SEC14L5: variants seen among roughly 807,000 people sequenced by gnomAD.
SEC14L5 encodes SEC14 like lipid binding 5.
SEC14L5 carries 96 observed loss-of-function variants against 84.6 expected under a neutral mutation model. That is an observed-to-expected ratio of 1.13 (90% CI 0.96 to 1.34). The LOEUF (loss-of-function observed/expected upper bound fraction) is 1.34. SEC14L5 is among the 40% of genes most tolerant of loss of function. SEC14L5 has a pLI of 0.00. For missense variants in SEC14L5, 1,224 were observed against 942.5 expected (o/e 1.30, Z -3.91); for synonymous variants, 546 against 383.4 (o/e 1.42, Z -4.95).
At position 4,965,605 on chromosome 16, in the gene SEC14L5, G is replaced by A. The variant is rs528414746; in HGVS notation, c.63+6219G>A. Among the ~76,000 whole-genome samples the A allele has an allele frequency of 2.9e-4, 36 of 122,316 alleles. No homozygotes were observed. The South Asian group carries it at 9.8e-3, about 33-fold the overall frequency. 80.2% of individuals were successfully genotyped at this position (122,316 alleles called of 152,430 possible). A position where few individuals can be genotyped will look rare whatever the true frequency, so the allele number is the denominator to read the frequency against. ...GAAACCGGGAGGCGGAGCTTGCACT[G>A]AGCCGAGATAGCACCACTGCACTCC... On this transcript the variant is annotated intron_variant, in intron 2 of 15. Transcript: ENST00000251170.
chr16:5,003,597 G>A, intron 11 of SEC14L5, 24 bp downstream of exon 11: 2 of 542,672 alleles, frequency 3.7e-6, no homozygotes, highest in African/African-American at 2.5e-5. Flanking sequence ...CCTGGGCCAG[G>A]ACTCTCCCTG....
At chr16:4,996,538 G>C (rs1364463933) in intron 7 of SEC14L5, 78 bp downstream of exon 7, 3 of 733,644 alleles carry the variant, frequency 4.1e-6, no homozygotes, top group African/African-American at 3.5e-5. Context: ...GGGAAGGAAA[G>C]GCGAGATGAT....
At chr16:5,005,343 G>T (rs1955718549) in intron 11 of SEC14L5, among the ~76,000 whole-genome samples, 1 of 151,498 alleles carries the variant, frequency 6.6e-6, no homozygotes, top group East Asian at 1.9e-4. Context: ...GAAACGCCCA[G>T]AATAGGCAAA....
At chr16:4,964,404 T>G (rs8052424) in intron 2 of SEC14L5, among the ~76,000 whole-genome samples, 88,684 of 151,758 alleles carry the variant, frequency 0.58, 27,060 homozygotes, top group East Asian at 0.79. Context: ...CTGACCAACA[T>G]GGAGAAACCC....
intron 2 of SEC14L5, among the ~76,000 whole-genome samples, chr16:4,973,585 C>T (rs1456779728): frequency 6.6e-6 from 1 of 152,052 alleles, no homozygotes; most frequent in Non-Finnish European, 1.5e-5. Context: ...AGCACTGATG[C>T]ACGATGCAAC....
chr16:5,013,550 CTTTTTTTTT>C (rs869041446), intron 15 of SEC14L5, among the ~76,000 whole-genome samples: 2 of 44,934 alleles, frequency 4.5e-5, no homozygotes, highest in Non-Finnish European at 7.5e-5. Context: ...GCTTGCCTGG[CTTTTTTTTT>C]TTTTTTTTTT....
intron 8 of SEC14L5, among the ~76,000 whole-genome samples, chr16:5,000,286 G>A (rs573294966): frequency 5.3e-4 from 80 of 152,200 alleles, no homozygotes; most frequent in Admixed American, 9.8e-4. Flanking sequence ...GCAAGACTCT[G>A]TCTCAAATAA....
At position 4,990,808 on chromosome 16, in the gene SEC14L5, T is replaced by A; in HGVS notation, c.387T>A (p.Ser129=). ...AAGACTGGACTTGCTTCGAGCAGTC[T>A]GCCTCACTGGACATTCGGTCTTTCT... ...ENEDWTCFEQ[S]ASLDIRSFFG... is the part of the protein sequence containing the mutation. Residue 129 remains serine (S), a synonymous_variant, in exon 5 of 16, where the codon TCT becomes TCA. Transcript: ENST00000251170. The A allele has an allele frequency of 1.2e-6, 2 of 1,612,294 alleles. No homozygotes were observed. Among genetic ancestry groups the A allele is most frequent in the Non-Finnish European group, 1.7e-6 (2 of 1,179,058 alleles).
At chr16:4,981,491 G>A (rs1175728815) in intron 2 of SEC14L5, among the ~76,000 whole-genome samples, 2 of 152,062 alleles carry the variant, frequency 1.3e-5, no homozygotes, top group Non-Finnish European at 2.9e-5. Flanking sequence ...GCAGTAGAAG[G>A]AAGGGGAGAA....
intron 3 of SEC14L5, 87 bp downstream of exon 3, chr16:4,987,793 G>T: frequency 9.4e-7 from 1 of 1,063,630 alleles, no homozygotes; most frequent in Non-Finnish European, 1.3e-6. Context: ...GGACCAGGGC[G>T]GCGGGGTCCA....
In SEC14L5 at chr16:5,014,911, G is replaced by C; in HGVS notation, c.2032G>C (p.Ala678Pro). 6.2e-7 allele frequency: 1 copy of C among 1,613,412 alleles called. No individual in the cohort carries two copies. Among genetic ancestry groups the C allele is most frequent in the Non-Finnish European group, 8.5e-7 (1 of 1,179,874 alleles). Residue 678 changes from alanine to proline, a missense_variant, in exon 16 of 16, where the codon GCC (alanine) becomes CCC (proline). Coordinates refer to ENST00000251170, the MANE Select transcript of SEC14L5 (RefSeq NM_014692.2). Reference protein sequence around the residue: ...SCTSGFSQLSAATSSSSSGQS... With the variant: ...SCTSGFSQLSPATSSSSSGQS... Reference sequence around the variant, plus strand: ...CACCAGCGGCTTCTCCCAGCTCAGCGCCGCCACCTCGTCCTCCTCCTCCGG... The same window carrying C: ...CACCAGCGGCTTCTCCCAGCTCAGCCCCGCCACCTCGTCCTCCTCCTCCGG...
At chr16:4,963,040 G>A (rs777070797) in intron 2 of SEC14L5, among the ~76,000 whole-genome samples, 2 of 152,118 alleles carry the variant, frequency 1.3e-5, no homozygotes, top group African/African-American at 4.8e-5. Flanking sequence ...CACTGCATCC[G>A]AGTGACCAGA....
intron 2 of SEC14L5, among the ~76,000 whole-genome samples, chr16:4,967,562 G>GTTTTTTTTTTTTTTT (rs869061549): frequency 5.4e-5 from 2 of 37,064 alleles, no homozygotes; most frequent in Admixed American, 4.2e-4. Flanking sequence ...TCTTTCTTTC[G>GTTTTTTTTTTTTTTT]TTTTTTTTTT....
chr16:4,963,979 G>A (rs959870898), intron 2 of SEC14L5, among the ~76,000 whole-genome samples: 2 of 152,220 alleles, frequency 1.3e-5, no homozygotes, highest in Non-Finnish European at 2.9e-5. Context: ...GAGCCACTGC[G>A]CTCAGCCTTC....
At chr16:4,966,757 A>G (rs1210487212) in intron 2 of SEC14L5, among the ~76,000 whole-genome samples, 1 of 152,084 alleles carries the variant, frequency 6.6e-6, no homozygotes, top group African/African-American at 2.4e-5. Context: ...TTACACCCCA[A>G]CTATGAGCTC....
chr16:4,979,224 T>A (rs189456380), intron 2 of SEC14L5, among the ~76,000 whole-genome samples: 2 of 152,286 alleles, frequency 1.3e-5, no homozygotes, highest in East Asian at 3.9e-4. Flanking sequence ...GCTTCCGTCC[T>A]GTGTGGGAGT....
intron 13 of SEC14L5, among the ~76,000 whole-genome samples, chr16:5,008,016 T>A (rs1359882244): frequency 6.6e-6 from 1 of 151,706 alleles, no homozygotes; most frequent in East Asian, 1.9e-4. Context: ...CAAGTGATTC[T>A]TCTGCCTCAG....
chr16:4,980,818 A>T (rs546496956), intron 2 of SEC14L5, among the ~76,000 whole-genome samples: 52 of 152,286 alleles, frequency 3.4e-4, no homozygotes, highest in African/African-American at 1.2e-3. Flanking sequence ...CTGAAGCCTG[A>T]GCGTCTCCTT....
At chr16:5,012,824 G>A (rs1265085117) in intron 15 of SEC14L5, among the ~76,000 whole-genome samples, 1 of 152,122 alleles carries the variant, frequency 6.6e-6, no homozygotes, top group Non-Finnish European at 1.5e-5. Context: ...GAACCCAGGA[G>A]GTGGAGATTG....
Sources: gnomAD v4.1 joint callset for allele counts (sites outside exome capture counted in the v4.1 genomes callset) on GRCh38, gnomAD v4.1.1 for gene constraint, MANE v1.5 for transcripts, NCBI Gene and HGNC (gene_info 2026-07-23, HGNC 2026-07-21) for gene names.